The following COL25A1 variants were observed in gnomAD, a reference collection of about 807,000 sequenced individuals.
COL25A1 encodes collagen type XXV alpha 1 chain.
A neutral mutation model predicts 128.4 loss-of-function variants in COL25A1; 103 were observed. The ratio of observed to expected loss-of-function variants is 0.80; its 90% CI spans 0.68 to 0.94. The LOEUF is 0.94. Among genes scored for constraint, COL25A1 ranks in the 40% least tolerant of loss-of-function variants. The pLI is 0.00. For synonymous variants in COL25A1, 279 were observed against 277.2 expected (o/e 1.01, Z -0.06); for missense variants, 745 against 840.0 (o/e 0.89, Z 1.40).
At chr4:109,274,011 G>A (rs1041661565) in intron 3 of COL25A1, among the ~76,000 whole-genome samples, 1 of 152,168 alleles carries the variant, frequency 6.6e-6, no homozygotes, top group Admixed American at 6.5e-5. Flanking sequence ...ATTCCCTCAT[G>A]TAATGGGTAT....
At chr4:109,123,684 C>T (rs917518698) in intron 3 of COL25A1, among the ~76,000 whole-genome samples, 2 of 151,992 alleles carry the variant, frequency 1.3e-5, no homozygotes, top group Admixed American at 6.6e-5. Flanking sequence ...ATTGATAATG[C>T]TGGAATTGAA....
rs1319719418 is a variant in COL25A1 at position 108,901,625 on chromosome 4, C to T, written c.781-453G>A. 2.0e-5 allele frequency among the ~76,000 whole-genome samples: 3 copies of T among 152,118 alleles called. No homozygotes were observed. In the South Asian group the frequency reaches 6.2e-4, roughly 31 times the overall value. ...AAACCTAAATCTTGAAGAACATATA[C>T]ATCTTTGAACACCTACTTAATTCAT... is the stretch of plus-strand genomic sequence containing the variant. On this transcript the variant is annotated intron_variant, in intron 13 of 37. Transcript: ENST00000399132.
chr4:109,268,122 T>C (rs1208460813), intron 3 of COL25A1, among the ~76,000 whole-genome samples: 1 of 152,170 alleles, frequency 6.6e-6, no homozygotes, highest in Non-Finnish European at 1.5e-5. Flanking sequence ...GAGGTGTGAA[T>C]ATCTGCAATA....
intron 6 of COL25A1, among the ~76,000 whole-genome samples, chr4:108,993,047 A>C (rs1754379554): frequency 6.6e-6 from 1 of 152,224 alleles, no homozygotes; most frequent in Non-Finnish European, 1.5e-5. Flanking sequence ...GAGAACACTT[A>C]ACATCCAATC....
chr4:108,927,630 T>A (rs1177999731), intron 11 of COL25A1, among the ~76,000 whole-genome samples: 1 of 152,200 alleles, frequency 6.6e-6, no homozygotes, highest in Non-Finnish European at 1.5e-5. Flanking sequence ...TATTTATTCA[T>A]GAGCATTTGA....
intron 20 of COL25A1, among the ~76,000 whole-genome samples, chr4:108,864,057 A>T (rs1231289879): frequency 6.6e-6 from 1 of 152,076 alleles, no homozygotes; most frequent in African/African-American, 2.4e-5. Context: ...ATCCCCACTC[A>T]TCTATCTATC....
chr4:108,908,800 G>A (rs1359608784), intron 13 of COL25A1, among the ~76,000 whole-genome samples: 1 of 152,144 alleles, frequency 6.6e-6, no homozygotes, highest in Non-Finnish European at 1.5e-5. Context: ...ATAATTTGGT[G>A]GGTAGGGGGC....
At chr4:109,022,223 C>A (rs971314039) in intron 5 of COL25A1, 1 of 452,682 alleles carries the variant, frequency 2.2e-6, no homozygotes, top group African/African-American at 2.0e-5. Flanking sequence ...TCTCTTTGTG[C>A]TCTTTCTCTT....
chr4:108,928,148 G>T (rs1299884984), intron 11 of COL25A1, among the ~76,000 whole-genome samples: 1 of 152,074 alleles, frequency 6.6e-6, no homozygotes, highest in Admixed American at 6.6e-5. Flanking sequence ...CAAATTTATG[G>T]TTCACAAAGG....
chr4:108,855,252 G>A (rs529313598), intron 24 of COL25A1, among the ~76,000 whole-genome samples: 199 of 148,936 alleles, frequency 1.3e-3, no homozygotes, highest in African/African-American at 4.6e-3. Context: ...CTGGGGGCAA[G>A]GTTATAAGAA....
At chr4:109,297,706 T>C (rs1455465564) in intron 3 of COL25A1, among the ~76,000 whole-genome samples, 1 of 151,994 alleles carries the variant, frequency 6.6e-6, no homozygotes, top group African/African-American at 2.4e-5. Flanking sequence ...TTCCCACCTA[T>C]TTCATGTGTC....
intron 3 of COL25A1, among the ~76,000 whole-genome samples, chr4:109,281,120 C>T (rs1255007486): frequency 1.3e-5 from 2 of 152,084 alleles, no homozygotes; most frequent in Non-Finnish European, 2.9e-5. Context: ...CAAGAATACA[C>T]TTTACAAAAC....
chr4:108,901,692 T>C (rs1742872781), intron 13 of COL25A1, among the ~76,000 whole-genome samples: 1 of 152,124 alleles, frequency 6.6e-6, no homozygotes. Context: ...AAAACAGATT[T>C]GGTTTTTCTT....
intron 3 of COL25A1, among the ~76,000 whole-genome samples, chr4:109,212,085 T>G (rs886658676): frequency 2.0e-5 from 3 of 152,128 alleles, no homozygotes; most frequent in African/African-American, 7.2e-5. Flanking sequence ...GCATTAAGAA[T>G]TGGAAGACCA....
intron 3 of COL25A1, among the ~76,000 whole-genome samples, chr4:109,276,558 G>A (rs1012480152): frequency 2.0e-5 from 3 of 152,142 alleles, no homozygotes; most frequent in Admixed American, 6.5e-5. Context: ...GCAGAAGAGA[G>A]CACCACCTTG....
At chr4:109,162,778 G>A (rs977674730) in intron 3 of COL25A1, among the ~76,000 whole-genome samples, 5 of 152,148 alleles carry the variant, frequency 3.3e-5, no homozygotes, top group Admixed American at 6.5e-5. Context: ...GACAGAGACC[G>A]GCCTCACTGA....
chr4:109,037,555 C>T (rs1006829545), intron 5 of COL25A1, among the ~76,000 whole-genome samples: 1 of 152,326 alleles, frequency 6.6e-6, no homozygotes, highest in South Asian at 2.1e-4. Context: ...GTTCCAAATG[C>T]CAGTTTACCA....
At chr4:108,943,144 C>A (rs1447481226) in intron 8 of COL25A1, among the ~76,000 whole-genome samples, 3 of 152,144 alleles carry the variant, frequency 2.0e-5, no homozygotes, top group African/African-American at 4.8e-5. Context: ...TCTGTGTCTA[C>A]ACGGTGTAAA....
intron 24 of COL25A1, among the ~76,000 whole-genome samples, chr4:108,857,495 A>C (rs1259933207): frequency 1.3e-5 from 2 of 150,680 alleles, no homozygotes; most frequent in South Asian, 2.2e-4. Context: ...AGCAGTAAAC[A>C]TGCTTCTGTT....
Sources: gnomAD v4.1 joint callset for allele counts (sites outside exome capture counted in the v4.1 genomes callset) on GRCh38, gnomAD v4.1.1 for gene constraint, MANE v1.5 for transcripts, NCBI Gene and HGNC (gene_info 2026-07-23, HGNC 2026-07-21) for gene names.